Variants in BRCC3 observed in about 807,000 individuals in gnomAD.
The protein encoded by BRCC3 is BRCA1/BRCA2-containing complex subunit 3.
BRCC3 carries 15 observed loss-of-function variants against 28.0 expected under a neutral mutation model. The observed-to-expected ratio is 0.54, with a 90% CI of 0.36 to 0.82. The LOEUF (loss-of-function observed/expected upper bound fraction) is 0.82, where lower values mean the gene tolerates loss of function less well. Among genes scored for constraint, BRCC3 ranks in the 40% least tolerant of loss-of-function variants. The pLI is 0.01. For synonymous variants in BRCC3, 66 were observed against 80.3 expected, an observed-to-expected ratio of 0.82 and a Z score of 0.95; for missense variants, 109 against 225.9, an observed-to-expected ratio of 0.48 and a Z score of 3.32.
chrX:155,087,863 T>C (rs1317213403), intron 5 of BRCC3, among the ~76,000 whole-genome samples: 1 of 111,966 alleles, frequency 8.9e-6, no homozygotes, highest in Non-Finnish European at 1.9e-5. Context: ...TACCAGTGGT[T>C]GTAGATAAAA....
intron 7 of BRCC3, among the ~76,000 whole-genome samples, chrX:155,110,132 A>G (rs1030256054): frequency 9.0e-6 from 1 of 111,717 alleles, no homozygotes. Context: ...TAGGAATTAT[A>G]TATCTTTTTC....
chrX:155,113,499 A>G (rs2074335521), intron 7 of BRCC3, among the ~76,000 whole-genome samples: 1 of 111,391 alleles, frequency 9.0e-6, no homozygotes, highest in Non-Finnish European at 1.9e-5. Flanking sequence ...TAAAACTTAA[A>G]TGAATTAAAG....
At chrX:155,096,303 T>C (rs1441189932) in intron 7 of BRCC3, among the ~76,000 whole-genome samples, 1 of 112,125 alleles carries the variant, frequency 8.9e-6, no homozygotes, top group Non-Finnish European at 1.9e-5. Context: ...GGATTTTATT[T>C]TGGCGTGATG....
chrX:155,116,005 T>C, intron 7 of BRCC3, 52 bp from the exon 8 acceptor site: 1 of 1,162,116 alleles, frequency 8.6e-7, no homozygotes, highest in Non-Finnish European at 1.2e-6. Flanking sequence ...AGAGAACTTC[T>C]GATTATAACA....
intron 5 of BRCC3, among the ~76,000 whole-genome samples, chrX:155,086,046 G>A (rs781969849): frequency 9.0e-6 from 1 of 111,489 alleles, no homozygotes; most frequent in Non-Finnish European, 1.9e-5. Context: ...GTGATAGGAC[G>A]TACCCTGCCT....
At chrX:155,071,783 T>G in intron 1 of BRCC3, 133 bp downstream of exon 1, 1 of 740,622 alleles carries the variant, frequency 1.4e-6, no homozygotes, top group Non-Finnish European at 1.9e-6. Context: ...ACCCTTTACA[T>G]AGCTCTGTCG....
intron 5 of BRCC3, among the ~76,000 whole-genome samples, chrX:155,086,875 T>C (rs1475947666): frequency 1.8e-5 from 2 of 112,215 alleles, no homozygotes; most frequent in East Asian, 5.6e-4. Context: ...TGCTCCGATG[T>C]CATTAAAGCA....
At chrX:155,075,576 A>G (rs782062411) in intron 3 of BRCC3, among the ~76,000 whole-genome samples, 16 of 111,316 alleles carry the variant, frequency 1.4e-4, no homozygotes, top group African/African-American at 5.2e-4. Flanking sequence ...ACCTAGTTTC[A>G]ACCTTGAAAC....
chrX:155,108,266 C>CT (rs2074297325), intron 7 of BRCC3, among the ~76,000 whole-genome samples: 1 of 111,800 alleles, frequency 8.9e-6, no homozygotes, highest in South Asian at 3.7e-4. Flanking sequence ...TATGGTAGTT[C>CT]TTTTTTATTG....
chrX:155,097,588 A>G (rs1222490955), intron 7 of BRCC3, among the ~76,000 whole-genome samples: 2 of 112,403 alleles, frequency 1.8e-5, no homozygotes, highest in African/African-American at 6.5e-5. Context: ...CAATATCTCA[A>G]AAAGGTGTTT....
intron 7 of BRCC3, chrX:155,099,405 G>C: frequency 8.3e-7 from 1 of 1,205,130 alleles, no homozygotes. Context: ...AGGGCAAAAA[G>C]GGGCCTGTCC....
At chrX:155,085,646 A>G (rs1330354644) in intron 5 of BRCC3, among the ~76,000 whole-genome samples, 15 of 112,578 alleles carry the variant, frequency 1.3e-4, no homozygotes, top group Non-Finnish European at 2.6e-4. Flanking sequence ...GTTTGGTTAC[A>G]CCAGTAATGA....
At position 155,120,058 on chromosome X, in the gene BRCC3, T is replaced by C. The variant is rs1557299239; in HGVS notation, c.784T>C (p.Leu262=). 2 of 1,208,866 alleles carry C rather than the reference T, an allele frequency of 1.7e-6. No homozygotes were observed. Among genetic ancestry groups the C allele is most frequent in the Non-Finnish European group, 2.2e-6 (2 of 893,285 alleles). ...AGTCAGCGGGCCTCTCCTACAGTGG[T>C]TGGAGGACAGACTGGAGCAAAACCA... ...SAVSGPLLQW[L]EDRLEQNQQH... The change falls in exon 10 of 11, where the codon TTG becomes CTG. Residue 262 remains leucine (L), a synonymous_variant. Transcript: ENST00000330045.
At chrX:155,090,963 C>G (rs1474279896) in intron 7 of BRCC3, 124 bp downstream of exon 7, 2 of 531,373 alleles carry the variant, frequency 3.8e-6, no homozygotes, top group African/African-American at 4.7e-5. Context: ...TTTATTTATA[C>G]TCATTTACAG....
rs782650580 is a variant in BRCC3 at position 155,101,369 on chromosome X, G to A, written c.548+10530G>A. Among the ~76,000 whole-genome samples, 32 of 111,691 alleles carry A rather than the reference G, an allele frequency of 2.9e-4. No homozygotes were observed. In the South Asian group the frequency reaches 0.012, roughly 42 times the overall value. Reference sequence around the variant, plus strand: ...CCTGGAACCAATCCCCAACAGCTACGAAGGGATGACTGTATCTTGTGGGGA... The same window carrying A: ...CCTGGAACCAATCCCCAACAGCTACAAAGGGATGACTGTATCTTGTGGGGA... On this transcript the variant is annotated intron_variant, in intron 7 of 10. Coordinates refer to ENST00000330045, the MANE Select transcript of BRCC3 (RefSeq NM_001018055.3).
chrX:155,099,722 C>T lies in BRCC3; in HGVS notation c.548+8883C>T, dbSNP rs782353664. Among the ~76,000 whole-genome samples, 129 of 110,328 alleles carry T rather than the reference C, an allele frequency of 1.2e-3. 1 individual carries two copies. The highest frequency in any genetic ancestry group is 2.2e-3 in the Non-Finnish European group (118 of 52,658). On this transcript the variant is annotated intron_variant, in intron 7 of 10. Transcript: ENST00000330045. ...CTTTTTCCACTCTTTTATTTTTGAC[C>T]TTCCTCAGTTATTTTGTTTTAGGTA... is the stretch of plus-strand genomic sequence containing the variant.
intron 7 of BRCC3, among the ~76,000 whole-genome samples, chrX:155,109,153 G>A (rs1557297855): frequency 9.0e-6 from 1 of 111,461 alleles, no homozygotes; most frequent in Middle Eastern, 4.2e-3. Context: ...TGGACTCTAG[G>A]CGAATTCTGT....
intron 4 of BRCC3, 37 bp downstream of exon 4, chrX:155,077,326 T>C: frequency 8.9e-7 from 1 of 1,127,293 alleles, no homozygotes; most frequent in Non-Finnish European, 1.2e-6. Context: ...TTATGTGCTC[T>C]GGGGTTCCTG....
chrX:155,072,286 G>C (rs782815096), intron 1 of BRCC3, 41 bp from the exon 2 acceptor site: 7 of 1,153,433 alleles, frequency 6.1e-6, no homozygotes, highest in Non-Finnish European at 8.3e-6. Context: ...TCAAACAAAC[G>C]TAATGTGATC....
Sources: allele counts gnomAD v4.1 joint callset (sites outside exome capture counted in the v4.1 genomes callset), GRCh38; gene constraint gnomAD v4.1.1; transcripts MANE v1.5; gene names NCBI Gene and HGNC (gene_info 2026-07-23, HGNC 2026-07-21).